Variants in GPC5 observed in about 807,000 individuals in gnomAD.
GPC5 encodes the protein glypican 5.
In GPC5, 47 loss-of-function variants were observed where a neutral mutation model predicts 53.9. That is an observed-to-expected ratio of 0.87 (90% confidence interval 0.69 to 1.11). The LOEUF is 1.11. Ranked by LOEUF, GPC5 falls within the 50% of genes most tolerant of loss-of-function variation. The pLI, the probability that GPC5 is intolerant of heterozygous loss-of-function variation, is 0.00. For missense variants in GPC5, 748 were observed against 713.1 expected (o/e 1.05, Z -0.56); for synonymous variants, 286 against 263.3 (o/e 1.09, Z -0.84).
At chr13:91,780,876 A>T (rs1594557155) in intron 5 of GPC5, among the ~76,000 whole-genome samples, 2 of 152,352 alleles carry the variant, frequency 1.3e-5, no homozygotes, top group South Asian at 4.1e-4. Flanking sequence ...TGAAAGAAAC[A>T]TATAAGCTTT....
intron 7 of GPC5, among the ~76,000 whole-genome samples, chr13:92,239,229 C>G (rs2042591977): frequency 1.3e-5 from 2 of 150,228 alleles, no homozygotes. Flanking sequence ...TTTAGTTTGT[C>G]AATTTCTGTA....
intron 7 of GPC5, chr13:92,180,956 C>A (rs2042142652): frequency 6.5e-6 from 1 of 153,180 alleles, no homozygotes. Flanking sequence ...GTGTAAAATA[C>A]ACCTTCAGCT....
intron 7 of GPC5, among the ~76,000 whole-genome samples, chr13:92,188,703 T>C (rs755467836): frequency 3.3e-5 from 5 of 152,192 alleles, no homozygotes; most frequent in Non-Finnish European, 7.3e-5. Flanking sequence ...CTAATTATCA[T>C]AAAATAAATA....
In GPC5 at chr13:91,803,814, AGAGAT is replaced by A. The variant is rs542243408; in HGVS notation, c.1280+47400_1280+47404del. The stretch of plus-strand genomic sequence containing the variant: ...CACACACACACACACACAGAGGAAA[AGAGAT>A]GAGATAAGATATGAGGTGATGAGAA... On this transcript the variant is annotated intron_variant, in intron 5 of 7. Coordinates refer to ENST00000377067, the MANE Select transcript of GPC5 (RefSeq NM_004466.6). Among the ~76,000 whole-genome samples the A allele has an allele frequency of 3.6e-3, 548 of 151,038 alleles. 1 individual carries two copies. The highest frequency in any genetic ancestry group is 6.6e-3 in the Non-Finnish European group (444 of 67,556).
rs146376152 is a variant in GPC5, at chr13:92,036,702, A to T, written c.1402-108128A>T. Among the ~76,000 whole-genome samples the T allele has an allele frequency of 2.8e-4, 43 of 152,298 alleles. 1 individual carries two copies. Among genetic ancestry groups the T allele is most frequent in the African/African-American group, 1.0e-3 (42 of 41,562 alleles). On this transcript the variant is annotated intron_variant, in intron 6 of 7. Coordinates refer to ENST00000377067, the MANE Select transcript of GPC5 (RefSeq NM_004466.6). ...AACTCACACTTAACATCTCTCAAACACAACTCTTTATTTTTCCCTGTATCT... is the reference window on the plus strand; with the variant it reads ...AACTCACACTTAACATCTCTCAAACTCAACTCTTTATTTTTCCCTGTATCT...
At chr13:92,587,762 G>A (rs1167745807) in intron 7 of GPC5, among the ~76,000 whole-genome samples, 4 of 151,854 alleles carry the variant, frequency 2.6e-5, no homozygotes, top group Non-Finnish European at 5.9e-5. Flanking sequence ...CAGCTTCCTG[G>A]GCATTCACTC....
chr13:92,478,821 A>C (rs1387857601), intron 7 of GPC5, among the ~76,000 whole-genome samples: 1 of 152,124 alleles, frequency 6.6e-6, no homozygotes, highest in East Asian at 1.9e-4. Context: ...CTAACAGACA[A>C]AAAGAAATCT....
chr13:91,932,111 T>G (rs1178653731), intron 6 of GPC5, among the ~76,000 whole-genome samples: 1 of 152,070 alleles, frequency 6.6e-6, no homozygotes, highest in Non-Finnish European at 1.5e-5. Context: ...TATGGAATAT[T>G]AGTCTCCAAT....
At position 92,274,460 on chromosome 13, in the gene GPC5, A is replaced by G. The variant is rs2139159524; in HGVS notation, c.1561+129471A>G. Among the ~76,000 whole-genome samples, 2 of 152,230 alleles carry G rather than the reference A, an allele frequency of 1.3e-5. 1 individual carries two copies. Among genetic ancestry groups the G allele is most frequent in the Admixed American group, 1.3e-4 (2 of 15,278 alleles). ...CCCTTCTCCTGAGTAACTCGTACTTATTGTTTAAATATCAGCTTTTCCTCA... is the reference window on the plus strand; with the variant it reads ...CCCTTCTCCTGAGTAACTCGTACTTGTTGTTTAAATATCAGCTTTTCCTCA... On this transcript the variant is annotated intron_variant, in intron 7 of 7. Transcript: ENST00000377067.
At chr13:91,883,769 A>AT (rs1168297257) in intron 5 of GPC5, among the ~76,000 whole-genome samples, 1 of 151,970 alleles carries the variant, frequency 6.6e-6, no homozygotes, top group Non-Finnish European at 1.5e-5. Flanking sequence ...CCATTGAAAG[A>AT]TTTTTTTTAT....
intron 7 of GPC5, among the ~76,000 whole-genome samples, chr13:92,288,967 C>A (rs1186539044): frequency 1.3e-5 from 2 of 151,934 alleles, no homozygotes; most frequent in African/African-American, 4.8e-5. Context: ...CCAACTTTAC[C>A]ATTTTTCTGT....
rs564972695 is a variant in GPC5, at chr13:92,795,232, A to C, written c.1562-71050A>C. 2.6e-5 allele frequency among the ~76,000 whole-genome samples: 4 copies of C among 152,258 alleles called. No homozygotes were observed. The East Asian group carries it at 7.7e-4, about 29-fold the overall frequency. On this transcript the variant is annotated intron_variant, in intron 7 of 7. Coordinates refer to ENST00000377067, the MANE Select transcript of GPC5 (RefSeq NM_004466.6). Reference sequence around the variant, plus strand: ...ACAGAGGCCGCATAAATAACACCACACATCTACAACCATCTGGTCTTTGAC... The same window carrying C: ...ACAGAGGCCGCATAAATAACACCACCCATCTACAACCATCTGGTCTTTGAC...
chr13:92,171,985 G>T (rs890456914), intron 7 of GPC5, among the ~76,000 whole-genome samples: 1 of 152,114 alleles, frequency 6.6e-6, no homozygotes, highest in Non-Finnish European at 1.5e-5. Context: ...TACCATTGCC[G>T]TAGAACCCAT....
intron 7 of GPC5, among the ~76,000 whole-genome samples, chr13:92,518,721 T>C (rs1243969114): frequency 6.6e-6 from 1 of 152,164 alleles, no homozygotes; most frequent in African/African-American, 2.4e-5. Flanking sequence ...CTGCATCAAC[T>C]AACGAGCAAA....
intron 5 of GPC5, among the ~76,000 whole-genome samples, chr13:91,880,173 A>G (rs1023243673): frequency 6.6e-5 from 10 of 152,058 alleles, no homozygotes; most frequent in Admixed American, 2.6e-4. Flanking sequence ...CCTATTTAAC[A>G]TTTTTAAAAT....
At position 91,692,456 on chromosome 13, in the gene GPC5, A is replaced by G. The variant is rs1157914732; in HGVS notation, c.326-731A>G. On this transcript the variant is annotated intron_variant, in intron 2 of 7. Transcript: ENST00000377067. ...TACTAGCTTTCATTCTGGAAAAGAA[A>G]AAGATTTTAAAAATTATAAAAATAT... 2.0e-5 allele frequency among the ~76,000 whole-genome samples: 3 copies of G among 152,198 alleles called. No individual in the cohort carries two copies. The East Asian group carries it at 5.8e-4, about 29-fold the overall frequency.
chr13:91,438,519 GA>G (rs1383950107), intron 1 of GPC5, among the ~76,000 whole-genome samples: 2 of 152,162 alleles, frequency 1.3e-5, no homozygotes, highest in African/African-American at 4.8e-5. Context: ...CGTTCCTCTG[GA>G]AGTTTTGTCT....
chr13:92,214,659 C>G (rs2042397484), intron 7 of GPC5, among the ~76,000 whole-genome samples: 1 of 152,124 alleles, frequency 6.6e-6, no homozygotes, highest in Non-Finnish European at 1.5e-5. Flanking sequence ...CTCTCTTTCC[C>G]AACAACCCCT....
chr13:92,667,687 C>T (rs191077294), intron 7 of GPC5, among the ~76,000 whole-genome samples: 38 of 152,198 alleles, frequency 2.5e-4, no homozygotes, highest in Admixed American at 1.8e-3. Context: ...GCCATTCAGC[C>T]GTGCAGATGA....
Sources: allele counts gnomAD v4.1 joint callset (sites outside exome capture counted in the v4.1 genomes callset), GRCh38; gene constraint gnomAD v4.1.1; transcripts MANE v1.5; gene names NCBI Gene and HGNC (gene_info 2026-07-23, HGNC 2026-07-21).